COL8A1: variants seen among roughly 807,000 people sequenced by gnomAD.
COL8A1 encodes the protein collagen type VIII alpha 1 chain.
A neutral mutation model predicts 42.7 loss-of-function variants in COL8A1; 21 were observed. The observed-to-expected ratio is 0.49, with a 90% confidence interval of 0.35 to 0.71. The LOEUF (loss-of-function observed/expected upper bound fraction) is 0.71, where lower values mean the gene tolerates loss of function less well. COL8A1 is among the 30% of genes least tolerant of loss of function. The pLI is 0.01. For missense variants in COL8A1, 788 were observed against 962.4 expected, an observed-to-expected ratio of 0.82 and a Z score of 2.40; for synonymous variants, 367 against 369.1, an observed-to-expected ratio of 0.99 and a Z score of 0.06.
intron 2 of COL8A1, among the ~76,000 whole-genome samples, chr3:99,763,348 G>C (rs1312716381): frequency 6.6e-6 from 1 of 152,164 alleles, no homozygotes; most frequent in Non-Finnish European, 1.5e-5. Context: ...GGAGATGAGA[G>C]GGAAGGATGG....
Position 99,669,151 on chromosome 3 carries a change from GGAGAGAGAGA to G in COL8A1, c.-129+30509_-129+30518del, listed in dbSNP as rs36015819. ...TATATATATATATATATATATAGAG[GGAGAGAGAGA>G]GAGAGAGAGAGAGAGAGAGAGGGAC... On this transcript the variant is annotated intron_variant, in intron 1 of 3. Coordinates refer to ENST00000652472, the MANE Select transcript of COL8A1 (RefSeq NM_020351.4). Among the ~76,000 whole-genome samples, 196 of 114,058 alleles carry G rather than the reference GGAGAGAGAGA, an allele frequency of 1.7e-3. 2 individuals are homozygous for G. The South Asian group carries it at 0.018, about 11-fold the overall frequency. The allele number at this position is 114,058 out of a possible 152,430, so 74.8% of individuals were successfully genotyped here.
intron 1 of COL8A1, among the ~76,000 whole-genome samples, chr3:99,649,681 T>C (rs1937775910): frequency 6.6e-6 from 1 of 152,116 alleles, no homozygotes; most frequent in African/African-American, 2.4e-5. Flanking sequence ...TTCCGTGTGG[T>C]TTTCTGAGAG....
chr3:99,691,216 C>T (rs935676768), intron 1 of COL8A1, among the ~76,000 whole-genome samples: 16 of 152,280 alleles, frequency 1.1e-4, no homozygotes, highest in East Asian at 3.9e-4. Context: ...GAGCCCAGAA[C>T]GCCTTCTAAG....
At chr3:99,650,313 T>C (rs750406236) in intron 1 of COL8A1, among the ~76,000 whole-genome samples, 11 of 152,212 alleles carry the variant, frequency 7.2e-5, no homozygotes, top group Non-Finnish European at 1.5e-4. Flanking sequence ...ATGCACTGTA[T>C]TGAATAAGTC....
chr3:99,710,132 T>C (rs1939794211), intron 1 of COL8A1, among the ~76,000 whole-genome samples: 1 of 152,188 alleles, frequency 6.6e-6, no homozygotes, highest in South Asian at 2.1e-4. Context: ...AAAAAGGCTG[T>C]ATCGCTGAAA....
intron 1 of COL8A1, among the ~76,000 whole-genome samples, chr3:99,716,989 G>A (rs1457478481): frequency 6.6e-6 from 1 of 151,932 alleles, no homozygotes; most frequent in African/African-American, 2.4e-5. Flanking sequence ...ATCAAGGCCT[G>A]TGTTAAATGT....
intron 2 of COL8A1, among the ~76,000 whole-genome samples, chr3:99,773,837 A>ATATATATATATATTTT (rs1200212756): frequency 2.2e-5 from 1 of 45,400 alleles, no homozygotes; most frequent in African/African-American, 1.3e-4. Flanking sequence ...ATATATATAT[A>ATATATATATATATTTT]TTTTTTTTTT....
chr3:99,671,772 T>C (rs892821811), intron 1 of COL8A1, among the ~76,000 whole-genome samples: 3 of 151,932 alleles, frequency 2.0e-5, no homozygotes, highest in African/African-American at 7.2e-5. Flanking sequence ...GTTCTTCACA[T>C]AATTAAAAAT....
chr3:99,720,605 C>A (rs538300427), intron 1 of COL8A1, among the ~76,000 whole-genome samples: 2 of 152,096 alleles, frequency 1.3e-5, no homozygotes, highest in Admixed American at 1.3e-4. Context: ...CAAAAGGCAG[C>A]CTTTCATATA....
At chr3:99,654,305 C>T (rs192639038) in intron 1 of COL8A1, among the ~76,000 whole-genome samples, 161 of 152,290 alleles carry the variant, frequency 1.1e-3, no homozygotes, top group African/African-American at 3.7e-3. Context: ...CCTTTGGCAA[C>T]ACCCTCACAG....
chr3:99,734,414 C>CAA (rs1940632016), intron 1 of COL8A1, among the ~76,000 whole-genome samples: 1 of 149,208 alleles, frequency 6.7e-6, no homozygotes, highest in South Asian at 2.1e-4. Flanking sequence ...GGAATCCTTT[C>CAA]CCCATTGCTT....
At chr3:99,791,209 T>C (rs1217119014) in intron 3 of COL8A1, among the ~76,000 whole-genome samples, 199 bp downstream of exon 3, 1 of 152,252 alleles carries the variant, frequency 6.6e-6, no homozygotes, top group Non-Finnish European at 1.5e-5. Context: ...ATTTATGTTT[T>C]GCTTTATTAT....
At chr3:99,738,251 T>A (rs1940791456) in intron 1 of COL8A1, among the ~76,000 whole-genome samples, 1 of 152,254 alleles carries the variant, frequency 6.6e-6, no homozygotes, top group Non-Finnish European at 1.5e-5. Context: ...CATCCAGCTT[T>A]GTTCCATCGC....
intron 1 of COL8A1, among the ~76,000 whole-genome samples, chr3:99,716,494 A>G (rs769520833): frequency 6.6e-6 from 1 of 152,078 alleles, no homozygotes; most frequent in Non-Finnish European, 1.5e-5. Flanking sequence ...TGAAATTTTT[A>G]TATGCATGTT....
At chr3:99,745,825 C>T (rs2107407297) in intron 2 of COL8A1, among the ~76,000 whole-genome samples, 1 of 136,642 alleles carries the variant, frequency 7.3e-6, no homozygotes, top group South Asian at 2.4e-4. Context: ...ACTTTCAAAC[C>T]TTGATGGAAA....
intron 1 of COL8A1, among the ~76,000 whole-genome samples, chr3:99,713,506 T>C (rs1357511712): frequency 6.6e-6 from 1 of 152,082 alleles, no homozygotes; most frequent in African/African-American, 2.4e-5. Flanking sequence ...TAAAACAGAA[T>C]CCACGAGCTT....
intron 1 of COL8A1, among the ~76,000 whole-genome samples, chr3:99,716,414 A>G (rs1020638529): frequency 6.6e-5 from 10 of 152,078 alleles, no homozygotes; most frequent in African/African-American, 2.4e-4. Context: ...CATCAGAATG[A>G]TTAGCACCAA....
chr3:99,699,316 G>T (rs1048190060), intron 1 of COL8A1, among the ~76,000 whole-genome samples: 3 of 152,108 alleles, frequency 2.0e-5, no homozygotes, highest in African/African-American at 4.8e-5. Context: ...TTTACTTTAG[G>T]TTATCTAAAA....
At chr3:99,706,027 A>G (rs541501773) in intron 1 of COL8A1, among the ~76,000 whole-genome samples, 3 of 152,170 alleles carry the variant, frequency 2.0e-5, no homozygotes, top group Non-Finnish European at 4.4e-5. Flanking sequence ...TATGGTCCTT[A>G]ATTATAACTA....
Sources: gnomAD v4.1 joint callset for allele counts (sites outside exome capture counted in the v4.1 genomes callset) on GRCh38, gnomAD v4.1.1 for gene constraint, MANE v1.5 for transcripts, NCBI Gene and HGNC (gene_info 2026-07-23, HGNC 2026-07-21) for gene names.